Variants in CHRM5 observed in about 807,000 individuals in gnomAD.
CHRM5 encodes muscarinic acetylcholine receptor M5.
CHRM5 carries 18 observed loss-of-function variants against 39.0 expected under a neutral mutation model. The observed-to-expected ratio is 0.46, with a 90% CI of 0.32 to 0.68. The LOEUF (loss-of-function observed/expected upper bound fraction) is 0.68. CHRM5 is among the 30% of genes least tolerant of loss of function. The pLI is 0.04. For synonymous variants in CHRM5, 241 were observed against 246.3 expected (o/e 0.98, Z 0.20); for missense variants, 515 against 651.1 (o/e 0.79, Z 2.28).
chr15:33,974,368 A>C (rs912255550), intron 1 of CHRM5, among the ~76,000 whole-genome samples: 1 of 152,196 alleles, frequency 6.6e-6, no homozygotes, highest in African/African-American at 2.4e-5. Flanking sequence ...GTGAGGAATG[A>C]ATCTTTGCAA....
intron 1 of CHRM5, chr15:34,039,046 T>G: frequency 1.8e-6 from 2 of 1,103,916 alleles, no homozygotes; most frequent in Non-Finnish European, 2.2e-6. Flanking sequence ...TCCGCCTGCA[T>G]CTGGCCGCCG....
chr15:34,002,373 T>C (rs80148390), intron 1 of CHRM5, among the ~76,000 whole-genome samples: 2,661 of 152,118 alleles, frequency 0.017, 89 homozygotes, highest in African/African-American at 0.061. Flanking sequence ...TTCCAGTTAT[T>C]CTTTAAACTC....
intron 1 of CHRM5, among the ~76,000 whole-genome samples, chr15:34,036,347 G>C (rs1418773908): frequency 6.6e-6 from 1 of 150,778 alleles, no homozygotes; most frequent in Non-Finnish European, 1.5e-5. Flanking sequence ...TGTATGCAGT[G>C]GTCCAAAATA....
chr15:34,033,914 A>G (rs1032115457), intron 1 of CHRM5, among the ~76,000 whole-genome samples: 8 of 152,174 alleles, frequency 5.3e-5, no homozygotes, highest in Non-Finnish European at 1.2e-4. Flanking sequence ...CAGCCTCCCA[A>G]GTAGCTGGGA....
intron 1 of CHRM5, among the ~76,000 whole-genome samples, chr15:34,015,705 C>A (rs1489942539): frequency 1.3e-5 from 2 of 152,088 alleles, no homozygotes; most frequent in African/African-American, 4.8e-5. Context: ...CTCTAACAGA[C>A]AAAAAGGTAA....
chr15:33,970,722 C>T (rs554096466), intron 1 of CHRM5, among the ~76,000 whole-genome samples: 1 of 151,998 alleles, frequency 6.6e-6, no homozygotes, highest in South Asian at 2.1e-4. Flanking sequence ...GCTCAATTTG[C>T]TTCCAATAAA....
At chr15:34,044,426 CA>C (rs1899607724) in intron 1 of CHRM5, among the ~76,000 whole-genome samples, 1 of 152,194 alleles carries the variant, frequency 6.6e-6, no homozygotes. Flanking sequence ...CAGAACAATA[CA>C]CTACCCTTAG....
In CHRM5 at chr15:34,015,340, A is replaced by G. The variant is rs540336580; in HGVS notation, c.-407-31200A>G. On this transcript the variant is annotated intron_variant, in intron 1 of 2. Coordinates refer to ENST00000383263, the MANE Select transcript of CHRM5 (RefSeq NM_012125.4). ...CTACTAAAAATACAAAAAATTAGCC[A>G]GGTGCGGTGGCGGGCACCTGTAGTC... Among the ~76,000 whole-genome samples, 899 of 152,138 alleles carry G rather than the reference A, an allele frequency of 5.9e-3. 4 individuals carry two copies. The highest frequency in any genetic ancestry group is 8.4e-3 in the Admixed American group (128 of 15,280).
At chr15:34,017,496 T>TC in intron 1 of CHRM5, among the ~76,000 whole-genome samples, 1 of 113,246 alleles carries the variant, frequency 8.8e-6, no homozygotes, top group Non-Finnish European at 2.2e-5. Context: ...TTTTTTTTTT[T>TC]TTTTGAGACA....
In CHRM5 at chr15:33,968,993, T is replaced by G. The variant is rs1895512641; in HGVS notation, c.-565T>G. Reference sequence around the variant, plus strand: ...TACCGCATACTATCCTAACTAATGCTACAGGATTATCAGGAATACAGATAT... The same window carrying G: ...TACCGCATACTATCCTAACTAATGCGACAGGATTATCAGGAATACAGATAT... On this transcript the variant is annotated 5_prime_UTR_variant, in exon 1 of 3. Coordinates refer to ENST00000383263, the MANE Select transcript of CHRM5 (RefSeq NM_012125.4). The G allele has an allele frequency of 3.9e-5, 6 of 152,036 alleles. No individual in the cohort carries two copies. The highest frequency in any genetic ancestry group is 1.5e-5 in the Non-Finnish European group (1 of 67,962). 9.4% of individuals were successfully genotyped at this position (152,036 alleles called of 1,614,324 possible).
chr15:34,017,133 G>GA (rs1897953891), intron 1 of CHRM5, among the ~76,000 whole-genome samples: 5 of 150,092 alleles, frequency 3.3e-5, no homozygotes, highest in South Asian at 2.1e-4. Context: ...GTCTCAAGGG[G>GA]GAAAAAAAAA....
rs185506455 is a variant in CHRM5, at chr15:34,045,201, C to T, written c.-407-1339C>T. On this transcript the variant is annotated intron_variant, in intron 1 of 2. Coordinates refer to ENST00000383263, the MANE Select transcript of CHRM5 (RefSeq NM_012125.4). ...TGAACTCTTTCAGTTCAAGGACTAT[C>T]GTATATCTCTTTTATATGCCCCACA... 2.0e-3 allele frequency among the ~76,000 whole-genome samples: 308 copies of T among 152,260 alleles called. 2 individuals carry two copies. Among genetic ancestry groups the T allele is most frequent in the Middle Eastern group, 6.8e-3 (2 of 294 alleles).
chr15:34,002,191 T>C (rs1033886935), intron 1 of CHRM5, among the ~76,000 whole-genome samples: 2 of 152,096 alleles, frequency 1.3e-5, no homozygotes, highest in Non-Finnish European at 2.9e-5. Context: ...TGTGCACACG[T>C]GTGTATATTA....
chr15:34,062,520 A>C, intron 2 of CHRM5, 123 bp from the exon 3 acceptor site: 1 of 541,568 alleles, frequency 1.8e-6, no homozygotes, highest in Non-Finnish European at 3.1e-6. Context: ...GCACCACTGC[A>C]CTCCAGCCTG....
At chr15:34,059,068 T>C (rs1900251731) in intron 2 of CHRM5, among the ~76,000 whole-genome samples, 1 of 151,506 alleles carries the variant, frequency 6.6e-6, no homozygotes. Context: ...AGCTAACTTT[T>C]GCATTTTTAG....
Position 34,062,779 on chromosome 15 carries a change from C to T in CHRM5, c.62C>T (p.Pro21Leu), listed in dbSNP as rs958054721. The change falls in exon 3 of 3, where the codon CCT becomes CTT. Residue 21 changes from proline (P) to leucine (L), a missense_variant. Pro to Leu is a moderately conservative substitution (Grantham distance 98, BLOSUM62 -3). Coordinates refer to ENST00000383263, the MANE Select transcript of CHRM5 (RefSeq NM_012125.4). ...TVNGTPVNHQ[P>L]LERHRLWEVI... is the part of the protein sequence containing the mutation. ...AATGGCACCCCAGTAAATCACCAGC[C>T]TTTGGAACGCCACAGGTTGTGGGAA... 1.2e-6 allele frequency: 2 copies of T among 1,614,028 alleles called. No homozygotes were observed. The highest frequency in any genetic ancestry group is 1.7e-6 in the Non-Finnish European group (2 of 1,180,032).
chr15:33,981,441 A>G (rs147103037), intron 1 of CHRM5, among the ~76,000 whole-genome samples: 2 of 131,250 alleles, frequency 1.5e-5, no homozygotes, highest in African/African-American at 5.2e-5. Flanking sequence ...AACTAAACAT[A>G]ACCAAGTTTT....
At chr15:33,980,752 G>C (rs1896102191) in intron 1 of CHRM5, among the ~76,000 whole-genome samples, 1 of 152,192 alleles carries the variant, frequency 6.6e-6, no homozygotes. Flanking sequence ...GCTCTAAGCA[G>C]AGTGTAGGCA....
chr15:34,064,169 C>T lies in CHRM5; in HGVS notation c.1452C>T (p.Cys484=). Residue 484 remains cysteine (C), a synonymous_variant, in exon 3 of 3, where the codon TGC becomes TGT. Coordinates refer to ENST00000383263, the MANE Select transcript of CHRM5 (RefSeq NM_012125.4). ...VTLWHLGYWL[C]YVNSTVNPIC... is the part of the protein sequence containing the mutation. Reference sequence around the variant, plus strand: ...TGTGGCACTTGGGCTATTGGTTGTGCTATGTCAATAGCACTGTCAACCCCA... The same window carrying T: ...TGTGGCACTTGGGCTATTGGTTGTGTTATGTCAATAGCACTGTCAACCCCA... The T allele has an allele frequency of 6.2e-7, 1 of 1,614,158 alleles. No homozygotes were observed. Among genetic ancestry groups the T allele is most frequent in the Non-Finnish European group, 8.5e-7 (1 of 1,180,018 alleles).
Sources: gnomAD v4.1 joint callset for allele counts (sites outside exome capture counted in the v4.1 genomes callset) on GRCh38, gnomAD v4.1.1 for gene constraint, MANE v1.5 for transcripts, NCBI Gene and HGNC (gene_info 2026-07-23, HGNC 2026-07-21) for gene names.